The following LIN52 variants were observed in gnomAD, a reference collection of about 807,000 sequenced individuals.
LIN52 encodes lin-52 DREAM MuvB core complex component, also known as protein lin-52 homolog.
A neutral mutation model predicts 18.5 loss-of-function variants in LIN52; 4 were observed. The ratio of observed to expected loss-of-function variants is 0.22; its 90% CI spans 0.11 to 0.49. LIN52 has a LOEUF of 0.49. Ranked by LOEUF, LIN52 falls within the 20% of genes least tolerant of loss-of-function variation. The probability of loss-of-function intolerance (pLI) is 0.97; values close to 1 mark genes in which losing one functional copy is unlikely to be tolerated. For missense variants in LIN52, 102 were observed against 139.5 expected, an observed-to-expected ratio of 0.73 and a Z score of 1.35; for synonymous variants, 34 against 45.5, an observed-to-expected ratio of 0.75 and a Z score of 1.02.
chr14:74,135,690 T>C (rs10147485), intron 5 of LIN52, among the ~76,000 whole-genome samples: 34,154 of 152,074 alleles, frequency 0.22, 4,164 homozygotes, highest in South Asian at 0.46. Flanking sequence ...TTTTAATTCC[T>C]TATCACATCT....
In LIN52 at chr14:74,199,632, G is replaced by A. The variant is rs2078934718; in HGVS notation, c.*655G>A. 6.6e-6 allele frequency: 1 copy of A among 152,218 alleles called. No individual in the cohort carries two copies. Among genetic ancestry groups the A allele is most frequent in the Non-Finnish European group, 1.5e-5 (1 of 68,076 alleles). 9.4% of individuals were successfully genotyped at this position (152,218 alleles called of 1,614,324 possible). On this transcript the variant is annotated 3_prime_UTR_variant, in exon 6 of 6. Transcript: ENST00000555028. ...TTCTAGTTCTGACTTCGGGCAGAGGGATCCCTGAGTCCCTCCTGGAATTAG... is the reference window on the plus strand; with the variant it reads ...TTCTAGTTCTGACTTCGGGCAGAGGAATCCCTGAGTCCCTCCTGGAATTAG...
intron 5 of LIN52, among the ~76,000 whole-genome samples, chr14:74,197,845 G>A (rs1487462680): frequency 2.6e-5 from 4 of 152,206 alleles, no homozygotes; most frequent in Non-Finnish European, 5.9e-5. Context: ...GGGAGCTGGA[G>A]GCCATTCATC....
chr14:74,176,272 C>T lies in LIN52; in HGVS notation c.284-22650C>T, dbSNP rs562036303. Among the ~76,000 whole-genome samples the T allele has an allele frequency of 3.4e-4, 52 of 152,092 alleles. No individual in the cohort carries two copies. In the South Asian group the frequency reaches 7.9e-3, roughly 23 times the overall value. ...CCACCTCCTGGGTTCAAGCAATTTC[C>T]GGCTAGTTTTTCTATTTTTAGTAGA... On this transcript the variant is annotated intron_variant, in intron 5 of 5. Transcript: ENST00000555028.
At chr14:74,187,595 C>G (rs540920782) in intron 5 of LIN52, among the ~76,000 whole-genome samples, 2 of 152,160 alleles carry the variant, frequency 1.3e-5, no homozygotes, top group African/African-American at 4.8e-5. Flanking sequence ...TAAAATACCA[C>G]AGCAAAAATA....
At chr14:74,193,131 C>T (rs1305364811) in intron 5 of LIN52, among the ~76,000 whole-genome samples, 1 of 151,854 alleles carries the variant, frequency 6.6e-6, no homozygotes, top group Non-Finnish European at 1.5e-5. Flanking sequence ...TAGTGGCATG[C>T]TCATTCAGCT....
At chr14:74,162,541 CTTAT>C (rs1236608048) in intron 5 of LIN52, among the ~76,000 whole-genome samples, 4 of 149,214 alleles carry the variant, frequency 2.7e-5, no homozygotes, top group African/African-American at 9.8e-5. Context: ...TCTTACTTTC[CTTAT>C]TTATTTATTT....
chr14:74,155,314 C>G (rs2061194904), intron 5 of LIN52, among the ~76,000 whole-genome samples: 1 of 152,192 alleles, frequency 6.6e-6, no homozygotes, highest in Non-Finnish European at 1.5e-5. Flanking sequence ...ATAAACCTTG[C>G]TAGCTGTTTA....
intron 4 of LIN52, among the ~76,000 whole-genome samples, chr14:74,099,238 A>T (rs986170871): frequency 6.6e-6 from 1 of 152,206 alleles, no homozygotes; most frequent in Non-Finnish European, 1.5e-5. Context: ...AAGTCTACTT[A>T]TGCTAGGTGT....
intron 5 of LIN52, among the ~76,000 whole-genome samples, chr14:74,165,619 C>T (rs574470122): frequency 1.3e-5 from 2 of 150,178 alleles, no homozygotes; most frequent in South Asian, 4.2e-4. Context: ...AGCGATTCTC[C>T]TGCCTCAGCT....
chr14:74,130,295 T>TTTTTTTTTTTTTTTTTTTTTC lies in LIN52; in HGVS notation c.283+29058_283+29059insTTTTTTTTTTTTTTTTTTTCT, dbSNP rs1315000657. 4.3e-4 allele frequency among the ~76,000 whole-genome samples: 61 copies of TTTTTTTTTTTTTTTTTTTTTC among 140,358 alleles called. 1 individual carries two copies. The highest frequency in any genetic ancestry group is 6.7e-4 in the South Asian group (3 of 4,480). The allele number at this position is 140,358 out of a possible 152,430, so 92.1% of individuals were successfully genotyped here. On this transcript the variant is annotated intron_variant, in intron 5 of 5. Transcript: ENST00000555028. Reference sequence around the variant, plus strand: ...ATTTTTTGGTTTTTTTTTTTTTTTTTTGAGACAGTCTCGCTCTTTTGCCAA... The same window carrying TTTTTTTTTTTTTTTTTTTTTC: ...ATTTTTTGGTTTTTTTTTTTTTTTTTTTTTTTTTTTTTTTTTTTTTCTGAGACAGTCTCGCTCTTTTGCCAA...
chr14:74,137,498 C>CTTTTTTTTTTTTTT (rs71460959), intron 5 of LIN52, among the ~76,000 whole-genome samples: 1,737 of 111,366 alleles, frequency 0.016, 109 homozygotes, highest in East Asian at 0.047. Flanking sequence ...CAGCAGCTCT[C>CTTTTTTTTTTTTTT]TTTTTTTTTT....
chr14:74,142,461 A>G (rs897542242), intron 5 of LIN52, among the ~76,000 whole-genome samples: 1 of 152,200 alleles, frequency 6.6e-6, no homozygotes, highest in Non-Finnish European at 1.5e-5. Context: ...GGATGTAGGT[A>G]TACAGAGATT....
chr14:74,147,233 G>C (rs1482809334), intron 5 of LIN52, among the ~76,000 whole-genome samples: 1 of 151,964 alleles, frequency 6.6e-6, no homozygotes, highest in Non-Finnish European at 1.5e-5. Flanking sequence ...ATTCCAACCT[G>C]GGCAGTAAGA....
At chr14:74,173,625 CCT>C (rs1403977402) in intron 5 of LIN52, among the ~76,000 whole-genome samples, 1 of 152,086 alleles carries the variant, frequency 6.6e-6, no homozygotes, top group Non-Finnish European at 1.5e-5. Flanking sequence ...CTAATTGTAT[CCT>C]GACTTCCTAG....
chr14:74,133,347 A>G (rs1200067374), intron 5 of LIN52, among the ~76,000 whole-genome samples: 1 of 152,190 alleles, frequency 6.6e-6, no homozygotes, highest in Non-Finnish European at 1.5e-5. Flanking sequence ...AGCCTTCTAG[A>G]ATATAGGTAC....
chr14:74,165,513 C>CTTTTCTTTTTTTTTTTT (rs1555384151), intron 5 of LIN52, among the ~76,000 whole-genome samples: 40 of 110,218 alleles, frequency 3.6e-4, no homozygotes, highest in Admixed American at 9.6e-4. Flanking sequence ...GTTTTCTTTT[C>CTTTTCTTTTTTTTTTTT]TTTTTTTTTT....
intron 5 of LIN52, among the ~76,000 whole-genome samples, chr14:74,115,602 A>C (rs2060959962): frequency 1.3e-5 from 2 of 152,330 alleles, no homozygotes; most frequent in Middle Eastern, 3.4e-3. Context: ...CATAAAATCT[A>C]GGAACTCCAC....
At chr14:74,091,053 G>A (rs2060769503) in intron 1 of LIN52, among the ~76,000 whole-genome samples, 179 bp from the exon 2 acceptor site, 2 of 152,208 alleles carry the variant, frequency 1.3e-5, no homozygotes, top group African/African-American at 4.8e-5. Context: ...AAAGAGTGAG[G>A]TTTGGTAAGG....
At chr14:74,113,720 G>A (rs1213272124) in intron 5 of LIN52, among the ~76,000 whole-genome samples, 1 of 151,978 alleles carries the variant, frequency 6.6e-6, no homozygotes, top group African/African-American at 2.4e-5. Context: ...TGTTGTAGAT[G>A]GTTTGGGGAG....
Sources: gnomAD v4.1 joint callset for allele counts (sites outside exome capture counted in the v4.1 genomes callset) on GRCh38, gnomAD v4.1.1 for gene constraint, MANE v1.5 for transcripts, NCBI Gene and HGNC (gene_info 2026-07-23, HGNC 2026-07-21) for gene names.